Variants in CALN1 observed in about 807,000 individuals in gnomAD.
The protein encoded by CALN1 is calcium-binding protein 8.
CALN1 carries 17 observed loss-of-function variants against 30.6 expected under a neutral mutation model. The observed-to-expected ratio is 0.56, with a 90% CI of 0.38 to 0.83. CALN1 has a LOEUF of 0.83. Among genes scored for constraint, CALN1 ranks in the 40% least tolerant of loss-of-function variants. The pLI, the probability that CALN1 is intolerant of heterozygous loss-of-function variation, is 0.00. For missense variants in CALN1, 291 were observed against 354.9 expected, an observed-to-expected ratio of 0.82 and a Z score of 1.45; for synonymous variants, 156 against 131.4, an observed-to-expected ratio of 1.19 and a Z score of -1.28.
At chr7:72,408,956 G>A (rs889478850) in intron 1 of CALN1, among the ~76,000 whole-genome samples, 4 of 151,944 alleles carry the variant, frequency 2.6e-5, no homozygotes, top group East Asian at 1.9e-4. Flanking sequence ...GGGATTGCAG[G>A]TGTGAGCCAC....
At chr7:72,413,685 TCA>T (rs1274123039), upstream of CALN1, among the ~76,000 whole-genome samples, 1 of 151,832 alleles carries the variant, frequency 6.6e-6, no homozygotes, top group Non-Finnish European at 1.5e-5. Context: ...ACATATACAT[TCA>T]CACTCACACT....
chr7:71,825,855 A>T (rs1788877833), intron 5 of CALN1, among the ~76,000 whole-genome samples: 1 of 151,890 alleles, frequency 6.6e-6, no homozygotes, highest in African/African-American at 2.4e-5. Flanking sequence ...CAACACGGTG[A>T]AACCCTGTTT....
chr7:72,306,169 A>G (rs1320740135), intron 2 of CALN1, among the ~76,000 whole-genome samples: 4 of 152,148 alleles, frequency 2.6e-5, no homozygotes, highest in Non-Finnish European at 4.4e-5. Flanking sequence ...AAATCAAAAA[A>G]TTTTACCCCA....
chr7:72,258,907 A>AAAG (rs1796100448), intron 3 of CALN1, among the ~76,000 whole-genome samples: 1 of 148,762 alleles, frequency 6.7e-6, no homozygotes, highest in Non-Finnish European at 1.5e-5. Context: ...TAAAAAAAAA[A>AAAG]AAAGAAAGAA....
intron 5 of CALN1, among the ~76,000 whole-genome samples, chr7:71,854,214 A>C (rs1045007196): frequency 5.3e-5 from 8 of 152,058 alleles, no homozygotes; most frequent in Admixed American, 3.9e-4. Context: ...GAATGGAGAG[A>C]AAGAAACAGG....
intron 2 of CALN1, among the ~76,000 whole-genome samples, chr7:72,326,830 CTGTT>C (rs566984115): frequency 1.1e-4 from 17 of 152,144 alleles, no homozygotes; most frequent in Non-Finnish European, 1.6e-4. Context: ...GAAATGAACT[CTGTT>C]TGACAGTGCA....
chr7:72,491,792 A>G, the CALN1 span, among the ~76,000 whole-genome samples: 32 of 152,308 alleles, frequency 2.1e-4, no homozygotes, highest in East Asian at 6.2e-3. Flanking sequence ...CTGCACTTTT[A>G]TCCTCTCATT....
intron 2 of CALN1, among the ~76,000 whole-genome samples, chr7:72,385,748 G>A (rs968621277): frequency 3.3e-5 from 5 of 152,074 alleles, no homozygotes; most frequent in Non-Finnish European, 5.9e-5. Flanking sequence ...AGATCGAATG[G>A]TTTAAAAGTG....
At chr7:72,334,907 C>G (rs112247858) in intron 2 of CALN1, among the ~76,000 whole-genome samples, 1 of 152,188 alleles carries the variant, frequency 6.6e-6, no homozygotes, top group African/African-American at 2.4e-5. Context: ...ACAAACAGAG[C>G]CATTCCACTG....
At chr7:72,241,002 A>G (rs571904347) in intron 3 of CALN1, among the ~76,000 whole-genome samples, 1 of 152,330 alleles carries the variant, frequency 6.6e-6, no homozygotes, top group South Asian at 2.1e-4. Context: ...TACTCCCCGC[A>G]TTATCAGAGT....
chr7:72,340,202 C>A (rs1014317784), intron 2 of CALN1, among the ~76,000 whole-genome samples: 4 of 152,188 alleles, frequency 2.6e-5, no homozygotes, highest in Admixed American at 2.0e-4. Flanking sequence ...CAAAGCTTTA[C>A]CTCCTTAACT....
intron 3 of CALN1, among the ~76,000 whole-genome samples, chr7:72,252,211 T>C (rs1795608989): frequency 6.6e-6 from 1 of 152,146 alleles, no homozygotes; most frequent in Non-Finnish European, 1.5e-5. Flanking sequence ...GAGCCAACTA[T>C]CTTGCTAGTC....
intron 5 of CALN1, among the ~76,000 whole-genome samples, chr7:71,976,785 C>G (rs957422898): frequency 1.3e-5 from 2 of 152,134 alleles, no homozygotes; most frequent in Admixed American, 6.5e-5. Flanking sequence ...TGACTGAAAT[C>G]GATTGGAACC....
chr7:71,798,733 TG>T (rs1787118232), intron 6 of CALN1, among the ~76,000 whole-genome samples: 1 of 150,152 alleles, frequency 6.7e-6, no homozygotes, highest in Admixed American at 6.7e-5. Context: ...GCAATTCTCC[TG>T]CCTCAGCCCC....
intron 2 of CALN1, among the ~76,000 whole-genome samples, chr7:72,296,055 T>C (rs1442680343): frequency 6.6e-6 from 1 of 152,220 alleles, no homozygotes; most frequent in Non-Finnish European, 1.5e-5. Context: ...CCTAATTTAC[T>C]GAGAGTTTTT....
chr7:72,036,427 G>T (rs2129533031), intron 4 of CALN1, among the ~76,000 whole-genome samples: 1 of 152,158 alleles, frequency 6.6e-6, no homozygotes, highest in South Asian at 2.1e-4. Flanking sequence ...TATTCCCTCT[G>T]CTCCCTCCCC....
chr7:72,288,672 C>T (rs900266126), intron 2 of CALN1, among the ~76,000 whole-genome samples: 1 of 152,184 alleles, frequency 6.6e-6, no homozygotes, highest in East Asian at 1.9e-4. Context: ...GGATTTCCTT[C>T]ACTGCTAGCT....
chr7:72,128,588 G>A (rs909892171), intron 3 of CALN1, among the ~76,000 whole-genome samples: 2 of 152,102 alleles, frequency 1.3e-5, no homozygotes, highest in East Asian at 1.9e-4. Flanking sequence ...ATCTTAAAAC[G>A]GGCCAGGTGC....
intron 5 of CALN1, among the ~76,000 whole-genome samples, chr7:71,955,155 G>A (rs1478139639): frequency 1.3e-5 from 2 of 152,096 alleles, no homozygotes; most frequent in Non-Finnish European, 2.9e-5. Context: ...CGTACATGGC[G>A]GCAGGCAGGA....
Sources: gnomAD v4.1 joint callset for allele counts (sites outside exome capture counted in the v4.1 genomes callset) on GRCh38, gnomAD v4.1.1 for gene constraint, MANE v1.5 for transcripts, NCBI Gene and HGNC (gene_info 2026-07-23, HGNC 2026-07-21) for gene names.